Variants in RPTOR observed in about 807,000 individuals in gnomAD.
RPTOR encodes regulatory associated protein of MTOR complex 1.
A neutral mutation model predicts 169.9 loss-of-function variants in RPTOR; 21 were observed. The observed-to-expected ratio is 0.12, with a 90% confidence interval of 0.09 to 0.18. The LOEUF (loss-of-function observed/expected upper bound fraction) is 0.18, where lower values mean the gene tolerates loss of function less well. Among genes scored for constraint, RPTOR ranks in the 10% least tolerant of loss-of-function variants. The pLI is 1.00. For missense variants in RPTOR, 1,133 were observed against 1,855.9 expected (o/e 0.61, Z 7.16); for synonymous variants, 732 against 753.2 (o/e 0.97, Z 0.46).
At chr17:80,561,276 T>TATATATATGTATATATATATAC (rs2084489851) in intron 1 of RPTOR, among the ~76,000 whole-genome samples, 1 of 70,730 alleles carries the variant, frequency 1.4e-5, no homozygotes, top group African/African-American at 3.9e-5. Flanking sequence ...TATATATATA[T>TATATATATGTATATATATATAC]ATATATATAT....
At chr17:80,742,574 ACAT>A (rs1481551796) in intron 5 of RPTOR, among the ~76,000 whole-genome samples, 4 of 142,042 alleles carry the variant, frequency 2.8e-5, no homozygotes, top group African/African-American at 1.1e-4. Context: ...GTATGCACAC[ACAT>A]AGACATATAT....
At chr17:80,822,712 A>C (rs1203047990) in intron 8 of RPTOR, among the ~76,000 whole-genome samples, 1 of 152,144 alleles carries the variant, frequency 6.6e-6, no homozygotes, top group Non-Finnish European at 1.5e-5. Context: ...GTGTGTGTAC[A>C]TGTGTACATG....
chr17:80,684,097 G>GTGGA (rs2143715276), intron 3 of RPTOR, among the ~76,000 whole-genome samples: 1 of 152,338 alleles, frequency 6.6e-6, no homozygotes, highest in African/African-American at 2.4e-5. Context: ...GGACTGAGGG[G>GTGGA]TGGAGTCAGG....
intron 6 of RPTOR, among the ~76,000 whole-genome samples, chr17:80,774,789 G>T (rs1235200945): frequency 5.3e-5 from 8 of 152,224 alleles, no homozygotes; most frequent in Non-Finnish European, 8.8e-5. Flanking sequence ...CTCGCTGTGT[G>T]CAGGGGACCG....
chr17:80,645,737 A>G (rs1196830613), intron 3 of RPTOR, among the ~76,000 whole-genome samples: 4 of 152,248 alleles, frequency 2.6e-5, no homozygotes, highest in African/African-American at 9.6e-5. Context: ...GAGAAGCGGC[A>G]TCATGATGTA....
At position 80,746,861 on chromosome 17, in the gene RPTOR, G is replaced by C. The variant is rs2066580873; in HGVS notation, c.655-7149G>C. Among the ~76,000 whole-genome samples, 1 of 149,856 alleles carries C rather than the reference G, an allele frequency of 6.7e-6. No individual in the cohort carries two copies. On this transcript the variant is annotated intron_variant, in intron 5 of 33. Coordinates refer to ENST00000306801, the MANE Select transcript of RPTOR (RefSeq NM_020761.3). The surrounding 1 kb of genome is among the most constrained non-coding windows in gnomAD (Gnocchi z 4.5). ...TAGTTTTTTTTTTTCCCTTGGGTTA[G>C]CAATCCTGAAGAACGTTCATTGGCA... is the stretch of plus-strand genomic sequence containing the variant.
In RPTOR at chr17:80,629,226, T is replaced by A. The variant is rs983783418; in HGVS notation, c.265+3433T>A. 8.6e-5 allele frequency among the ~76,000 whole-genome samples: 13 copies of A among 151,694 alleles called. 1 individual carries two copies. The highest frequency in any genetic ancestry group is 3.2e-4 in the African/African-American group (13 of 41,174). ...CTGTCGGACATAGTACCACAGCTCTTCCATGTGTCTCTGTCTTCTGGGACT... is the reference window on the plus strand; with the variant it reads ...CTGTCGGACATAGTACCACAGCTCTACCATGTGTCTCTGTCTTCTGGGACT... On this transcript the variant is annotated intron_variant, in intron 2 of 33. Transcript: ENST00000306801.
In RPTOR at chr17:80,922,767, C is replaced by A; in HGVS notation, c.2564C>A (p.Ser855Tyr). 2 of 1,586,824 alleles carry A rather than the reference C, an allele frequency of 1.3e-6. No homozygotes were observed. The highest frequency in any genetic ancestry group is 1.7e-6 in the Non-Finnish European group (2 of 1,171,140). The change falls in exon 22 of 34, where the codon TCC becomes TAC. Residue 855 changes from serine (S) to tyrosine (Y), a missense_variant. By Grantham distance (144) the Ser-to-Tyr change is moderately radical (BLOSUM62 -2). Around this residue, in one of 9 missense-constraint regions of RPTOR, gnomAD observed 123 missense variants for 129.0 expected, o/e 0.95. Transcript: ENST00000306801. ...ARPQRVLDTSSLTQSAPASPT... is the reference protein window; with the variant it reads ...ARPQRVLDTSYLTQSAPASPT... ...CCGCAGCGCGTCCTGGACACCTCCT[C>A]CCTCACGCAGTCGGCCCCCGCCAGC...
At chr17:80,928,694 T>G (rs1490122856) in intron 24 of RPTOR, among the ~76,000 whole-genome samples, 1 of 152,252 alleles carries the variant, frequency 6.6e-6, no homozygotes, top group Non-Finnish European at 1.5e-5. Context: ...CCCATGTTGG[T>G]TTACGGAGCT....
intron 13 of RPTOR, among the ~76,000 whole-genome samples, chr17:80,865,705 AT>A (rs2143782616): frequency 6.6e-6 from 1 of 152,190 alleles, no homozygotes; most frequent in African/African-American, 2.4e-5. Flanking sequence ...CCGTAATTAC[AT>A]TTGGAGGTTT....
At chr17:80,954,416 C>T (rs2069222490) in intron 28 of RPTOR, among the ~76,000 whole-genome samples, 1 of 152,202 alleles carries the variant, frequency 6.6e-6, no homozygotes, top group African/African-American at 2.4e-5. Flanking sequence ...GCCACTGTGC[C>T]CGGGCTACAT....
rs898697037 is a variant in RPTOR at position 80,633,236 on chromosome 17, G to A, written c.265+7443G>A. Among the ~76,000 whole-genome samples the A allele has an allele frequency of 2.0e-5, 3 of 152,210 alleles. No individual in the cohort carries two copies. Among genetic ancestry groups the A allele is most frequent in the Non-Finnish European group, 4.4e-5 (3 of 68,040 alleles). ...CCTTAGTGTGTAATTCCTGCCAGCC[G>A]GGAGTTTCTCTTTCCAGATGACAAC... is the stretch of plus-strand genomic sequence containing the variant. On this transcript the variant is annotated intron_variant, in intron 2 of 33. Transcript: ENST00000306801. The surrounding 1 kb of genome is among the most constrained non-coding windows in gnomAD (Gnocchi z 4.1).
At chr17:80,756,239 GC>G (rs2066679801) in intron 6 of RPTOR, among the ~76,000 whole-genome samples, 1 of 152,164 alleles carries the variant, frequency 6.6e-6, no homozygotes, top group Non-Finnish European at 1.5e-5. Context: ...GTGTTATCTT[GC>G]CCTTCCACCT....
At chr17:80,765,237 C>G (rs946988810) in intron 6 of RPTOR, among the ~76,000 whole-genome samples, 1 of 152,178 alleles carries the variant, frequency 6.6e-6, no homozygotes, top group Non-Finnish European at 1.5e-5. Flanking sequence ...TCTGAACACT[C>G]TTCTCACAGA....
At chr17:80,679,549 T>C (rs1026956660) in intron 3 of RPTOR, among the ~76,000 whole-genome samples, 8 of 152,218 alleles carry the variant, frequency 5.3e-5, no homozygotes, top group Non-Finnish European at 1.2e-4. Flanking sequence ...TTTCTGTCAT[T>C]TTTCCCTCCC....
chr17:80,946,241 AG>A (rs2069102564), intron 26 of RPTOR, among the ~76,000 whole-genome samples: 1 of 152,174 alleles, frequency 6.6e-6, no homozygotes, highest in African/African-American at 2.4e-5. Context: ...GGGCAGTGGG[AG>A]GGGGTTCCTT....
At chr17:80,914,717 G>A (rs958270071) in intron 21 of RPTOR, among the ~76,000 whole-genome samples, 1 of 152,236 alleles carries the variant, frequency 6.6e-6, no homozygotes, top group African/African-American at 2.4e-5. Context: ...GCACCAACGA[G>A]CATGGGAGGG....
intron 28 of RPTOR, among the ~76,000 whole-genome samples, chr17:80,952,151 G>A (rs1185354281): frequency 3.9e-5 from 6 of 152,186 alleles, no homozygotes; most frequent in African/African-American, 1.4e-4. Flanking sequence ...AGCCGTGAAT[G>A]CTGACCACAG....
In RPTOR at chr17:80,646,392, GC is replaced by G. The variant is rs1421442644; in HGVS notation, c.348+2586del. ...TATGCACTGGGTAATAATAGCACTT[GC>G]CCCGGTGCGCGTGGCACACTGCTCC... is the stretch of plus-strand genomic sequence containing the variant. On this transcript the variant is annotated intron_variant, in intron 3 of 33. Transcript: ENST00000306801. The surrounding 1 kb of genome is among the most constrained non-coding windows in gnomAD (Gnocchi z 5.0). Among the ~76,000 whole-genome samples, 1 of 152,166 alleles carries G rather than the reference GC, an allele frequency of 6.6e-6. No individual in the cohort carries two copies. The highest frequency in any genetic ancestry group is 1.5e-5 in the Non-Finnish European group (1 of 68,026).
Sources: gnomAD v4.1 joint callset for allele counts (sites outside exome capture counted in the v4.1 genomes callset) on GRCh38, gnomAD v4.1.1 for gene constraint, gnomAD v4.1.1 regional missense constraint, Gnocchi (gnomAD v3.1) non-coding constraint, MANE v1.5 for transcripts, NCBI Gene and HGNC (gene_info 2026-07-23, HGNC 2026-07-21) for gene names.